The following KCNH7 variants were observed in gnomAD, a reference collection of about 807,000 sequenced individuals.
The protein encoded by KCNH7 is voltage-gated inwardly rectifying potassium channel KCNH7.
In KCNH7, 49 loss-of-function variants were observed where a neutral mutation model predicts 120.8. The observed-to-expected ratio is 0.41, with a 90% confidence interval of 0.32 to 0.51. KCNH7 has a LOEUF of 0.51. Ranked by LOEUF, KCNH7 falls within the 20% of genes least tolerant of loss-of-function variation. KCNH7 has a pLI of 0.38. For synonymous variants in KCNH7, 547 were observed against 516.1 expected (o/e 1.06, Z -0.81); for missense variants, 1,097 against 1,446.6 (o/e 0.76, Z 3.92).
chr2:162,503,543 T>G (rs2105750622), intron 6 of KCNH7, among the ~76,000 whole-genome samples: 1 of 152,186 alleles, frequency 6.6e-6, no homozygotes, highest in African/African-American at 2.4e-5. Context: ...TTTTCATAGC[T>G]ATTTCAGCTC....
chr2:162,536,551 C>A (rs140369352), intron 3 of KCNH7, among the ~76,000 whole-genome samples: 4 of 151,966 alleles, frequency 2.6e-5, no homozygotes, highest in African/African-American at 9.6e-5. Context: ...TATGCATCAC[C>A]CTTGACCCAG....
chr2:162,656,352 C>A (rs2105269130), intron 2 of KCNH7, among the ~76,000 whole-genome samples: 1 of 152,276 alleles, frequency 6.6e-6, no homozygotes, highest in Admixed American at 6.5e-5. Context: ...TGTATATATA[C>A]ACACATGCAC....
chr2:162,645,795 T>A (rs1684337990), intron 2 of KCNH7, among the ~76,000 whole-genome samples: 1 of 152,194 alleles, frequency 6.6e-6, no homozygotes, highest in Admixed American at 6.5e-5. Flanking sequence ...CTTTCCCAAA[T>A]GAGGTCACAC....
intron 2 of KCNH7, among the ~76,000 whole-genome samples, chr2:162,666,618 T>G (rs1426859177): frequency 6.6e-6 from 1 of 152,182 alleles, no homozygotes; most frequent in Non-Finnish European, 1.5e-5. Flanking sequence ...ATAAGTGTTT[T>G]ATTTGTCCAC....
intron 6 of KCNH7, among the ~76,000 whole-genome samples, chr2:162,475,182 T>C (rs113650196): frequency 0.011 from 1,628 of 152,312 alleles, 25 homozygotes; most frequent in African/African-American, 0.038. Context: ...TGGAGACATG[T>C]GGTATACATG....
chr2:162,457,182 A>C (rs948539899), intron 6 of KCNH7, among the ~76,000 whole-genome samples: 13 of 152,156 alleles, frequency 8.5e-5, no homozygotes, highest in Admixed American at 6.6e-4. Flanking sequence ...GATTCTAAGA[A>C]GCCAATGACT....
chr2:162,491,973 T>A (rs954571198), intron 6 of KCNH7, among the ~76,000 whole-genome samples: 12 of 152,086 alleles, frequency 7.9e-5, no homozygotes, highest in Non-Finnish European at 1.5e-4. Context: ...AGATGCATCC[T>A]CAAATGGGGA....
chr2:162,380,650 A>G (rs1686384131), intron 13 of KCNH7, among the ~76,000 whole-genome samples: 1 of 152,090 alleles, frequency 6.6e-6, no homozygotes, highest in Admixed American at 6.6e-5. Context: ...GCCCTTTACC[A>G]TAATTATATT....
intron 3 of KCNH7, among the ~76,000 whole-genome samples, chr2:162,533,905 A>G (rs1305087167): frequency 2.0e-5 from 3 of 151,574 alleles, no homozygotes; most frequent in African/African-American, 7.2e-5. Flanking sequence ...ACTCATGAAA[A>G]TTGATCAAAT....
At chr2:162,515,179 T>C (rs1166193966) in intron 4 of KCNH7, among the ~76,000 whole-genome samples, 1 of 151,660 alleles carries the variant, frequency 6.6e-6, no homozygotes, top group African/African-American at 2.4e-5. Flanking sequence ...ATGTTGACTC[T>C]AGCATAATCT....
At chr2:162,563,674 A>C (rs1693151280) in intron 2 of KCNH7, among the ~76,000 whole-genome samples, 1 of 152,172 alleles carries the variant, frequency 6.6e-6, no homozygotes. Flanking sequence ...TAAACTAAGA[A>C]AACTAACACA....
intron 2 of KCNH7, among the ~76,000 whole-genome samples, chr2:162,712,303 G>C (rs1574295326): frequency 6.6e-6 from 1 of 151,872 alleles, no homozygotes; most frequent in Admixed American, 6.6e-5. Context: ...CACACCTGTT[G>C]GTTCTCTTTG....
chr2:162,654,068 C>G (rs1684658746), intron 2 of KCNH7, among the ~76,000 whole-genome samples: 1 of 150,906 alleles, frequency 6.6e-6, no homozygotes, highest in African/African-American at 2.4e-5. Flanking sequence ...GAAAAAAGCT[C>G]CATGACCTTA....
At chr2:162,542,159 C>CTT (rs903749200) in intron 2 of KCNH7, among the ~76,000 whole-genome samples, 40 of 141,932 alleles carry the variant, frequency 2.8e-4, no homozygotes, top group Admixed American at 6.3e-4. Context: ...CTATATCTCT[C>CTT]TTTTTTTTTT....
chr2:162,379,868 T>C lies in KCNH7; in HGVS notation c.3116A>G (p.Gln1039Arg). The C allele has an allele frequency of 6.2e-7, 1 of 1,613,994 alleles. No individual in the cohort carries two copies. Among genetic ancestry groups the C allele is most frequent in the Non-Finnish European group, 8.5e-7 (1 of 1,179,892 alleles). Residue 1039 changes from glutamine (Q) to arginine (R), a missense_variant, in exon 14 of 16, where the codon CAG becomes CGG. Gln to Arg is a conservative substitution (Grantham distance 43, BLOSUM62 1). Around this residue, in one of 8 missense-constraint regions of KCNH7, gnomAD observed 406 missense variants for 410.5 expected, o/e 0.99. Transcript: ENST00000332142. Reference sequence around the variant, plus strand: ...CTGCTTATACCTGTTAAGTTGCTCCTGGAGCAGATCTAATCTTTGTTCCAC... The same window carrying C: ...CTGCTTATACCTGTTAAGTTGCTCCCGGAGCAGATCTAATCTTTGTTCCAC... ...GEVEQRLDLL[Q>R]EQLNRLESQM... is the part of the protein sequence containing the mutation.
chr2:162,550,460 C>G (rs1366874710), intron 2 of KCNH7, among the ~76,000 whole-genome samples: 3 of 152,090 alleles, frequency 2.0e-5, no homozygotes, highest in Non-Finnish European at 4.4e-5. Flanking sequence ...TCCCCAGATT[C>G]AAATCTTATG....
chr2:162,756,993 G>A (rs973458387), intron 2 of KCNH7, among the ~76,000 whole-genome samples: 16 of 152,136 alleles, frequency 1.1e-4, no homozygotes, highest in East Asian at 1.9e-4. Context: ...TAATATAACC[G>A]TGGTAAAATT....
intron 2 of KCNH7, among the ~76,000 whole-genome samples, chr2:162,563,754 A>G (rs1693153291): frequency 6.6e-6 from 1 of 152,160 alleles, no homozygotes; most frequent in Non-Finnish European, 1.5e-5. Flanking sequence ...TTAAGAAGTG[A>G]CTTCATGGCA....
At chr2:162,743,138 T>G (rs1245715636) in intron 2 of KCNH7, among the ~76,000 whole-genome samples, 1 of 152,154 alleles carries the variant, frequency 6.6e-6, no homozygotes, top group Non-Finnish European at 1.5e-5. Context: ...TATATACCTC[T>G]GTATGACAGA....
Sources: allele counts gnomAD v4.1 joint callset (sites outside exome capture counted in the v4.1 genomes callset), GRCh38; gene constraint gnomAD v4.1.1; regional missense constraint gnomAD v4.1.1; transcripts MANE v1.5; gene names NCBI Gene and HGNC (gene_info 2026-07-23, HGNC 2026-07-21).